The following CFDP1 variants were observed in gnomAD, a reference collection of about 807,000 sequenced individuals.
CFDP1 encodes chromatin remodeling protein CFDP1.
CFDP1 carries 31 observed loss-of-function variants against 40.1 expected under a neutral mutation model. The ratio of observed to expected loss-of-function variants is 0.77; its 90% confidence interval spans 0.58 to 1.04. CFDP1 has a LOEUF of 1.04. Among genes scored for constraint, CFDP1 ranks in the 50% least tolerant of loss-of-function variants. The probability of loss-of-function intolerance (pLI) is 0.00; values close to 1 mark genes in which losing one functional copy is unlikely to be tolerated. For missense variants in CFDP1, 423 were observed against 343.4 expected (o/e 1.23, Z -1.83); for synonymous variants, 167 against 120.0 (o/e 1.39, Z -2.56).
chr16:75,411,727 T>C, intron 4 of CFDP1, 98 bp downstream of exon 4: 3 of 1,226,748 alleles, frequency 2.4e-6, no homozygotes, highest in South Asian at 1.3e-5. Context: ...CCCAAAATAT[T>C]ATGATGGATT....
chr16:75,333,347 T>C (rs1382502944), intron 5 of CFDP1, among the ~76,000 whole-genome samples: 1 of 150,770 alleles, frequency 6.6e-6, no homozygotes, highest in African/African-American at 2.4e-5. Context: ...ATGGTCTCGA[T>C]CTCCTCACCT....
intron 6 of CFDP1, among the ~76,000 whole-genome samples, chr16:75,298,270 T>C (rs1375402422): frequency 1.3e-5 from 2 of 152,176 alleles, no homozygotes; most frequent in South Asian, 2.1e-4. Flanking sequence ...AGATAAGGGA[T>C]ATTCAACCTG....
chr16:75,345,964 G>C (rs2078560122), intron 5 of CFDP1, among the ~76,000 whole-genome samples: 1 of 152,206 alleles, frequency 6.6e-6, no homozygotes, highest in African/African-American at 2.4e-5. Context: ...TATGAGGTCT[G>C]AGGCTTCCAG....
chr16:75,425,126 G>A (rs1418711502), intron 1 of CFDP1, among the ~76,000 whole-genome samples: 9 of 151,882 alleles, frequency 5.9e-5, no homozygotes, highest in South Asian at 2.1e-4. Context: ...ATATAAGATC[G>A]TTAAATTGTC....
At chr16:75,394,658 C>CTTTTT (rs1162951313) in intron 5 of CFDP1, 6,256 of 101,690 alleles carry the variant, frequency 0.062, 721 homozygotes, top group Non-Finnish European at 0.084. Context: ...ATTTTCTTCG[C>CTTTTT]TTTTTTTTTT....
At chr16:75,318,663 C>T (rs2078342272) in intron 5 of CFDP1, among the ~76,000 whole-genome samples, 1 of 152,170 alleles carries the variant, frequency 6.6e-6, no homozygotes, top group Non-Finnish European at 1.5e-5. Flanking sequence ...CTTGGCCTCC[C>T]AAAGTGCTGG....
chr16:75,341,994 G>A (rs903682643), intron 5 of CFDP1, among the ~76,000 whole-genome samples: 1 of 152,074 alleles, frequency 6.6e-6, no homozygotes, highest in Non-Finnish European at 1.5e-5. Context: ...AAACTCCAGT[G>A]GCATTTTATT....
At chr16:75,348,574 T>C (rs868107606) in intron 5 of CFDP1, among the ~76,000 whole-genome samples, 3 of 152,294 alleles carry the variant, frequency 2.0e-5, no homozygotes, top group African/African-American at 7.2e-5. Flanking sequence ...AAGTTGTTTT[T>C]TTCTTTTTTG....
intron 5 of CFDP1, among the ~76,000 whole-genome samples, chr16:75,390,116 T>C (rs986118478): frequency 2.0e-5 from 3 of 152,208 alleles, no homozygotes; most frequent in Non-Finnish European, 4.4e-5. Flanking sequence ...CTTTACCCTG[T>C]TTATAAGGGA....
At chr16:75,380,852 C>T (rs1396089903) in intron 5 of CFDP1, among the ~76,000 whole-genome samples, 2 of 152,140 alleles carry the variant, frequency 1.3e-5, no homozygotes, top group East Asian at 3.9e-4. Context: ...ACAGATAAAA[C>T]CTCGCTAAAG....
chr16:75,374,643 C>T (rs1004337426), intron 5 of CFDP1, among the ~76,000 whole-genome samples: 5 of 151,264 alleles, frequency 3.3e-5, no homozygotes, highest in African/African-American at 1.2e-4. Context: ...ATAGTGAGAC[C>T]CCATCTCTTA....
intron 5 of CFDP1, among the ~76,000 whole-genome samples, chr16:75,363,795 G>A (rs1408806557): frequency 6.6e-6 from 1 of 152,142 alleles, no homozygotes; most frequent in Non-Finnish European, 1.5e-5. Context: ...ATTGATAGGA[G>A]TTTCCCAAAG....
At chr16:75,343,822 C>T (rs1347544639) in intron 5 of CFDP1, among the ~76,000 whole-genome samples, 1 of 152,020 alleles carries the variant, frequency 6.6e-6, no homozygotes, top group East Asian at 1.9e-4. Flanking sequence ...CCTAAGAAGG[C>T]AAAGAAAAGG....
At chr16:75,358,526 A>G (rs1055604666) in intron 5 of CFDP1, among the ~76,000 whole-genome samples, 3 of 152,144 alleles carry the variant, frequency 2.0e-5, no homozygotes, top group Non-Finnish European at 2.9e-5. Flanking sequence ...AATATTTTTT[A>G]TGAAAATGAA....
At chr16:75,411,105 C>A (rs1335184695) in intron 4 of CFDP1, among the ~76,000 whole-genome samples, 1 of 151,978 alleles carries the variant, frequency 6.6e-6, no homozygotes, top group African/African-American at 2.4e-5. Flanking sequence ...GCAATCCCAT[C>A]TACTTGGGAG....
intron 5 of CFDP1, among the ~76,000 whole-genome samples, chr16:75,382,449 C>T (rs774809934): frequency 3.3e-5 from 5 of 152,142 alleles, no homozygotes; most frequent in Non-Finnish European, 5.9e-5. Context: ...TTCTGCCTGG[C>T]TTAGGCTTGC....
At chr16:75,426,251 G>A (rs2079341722) in intron 1 of CFDP1, among the ~76,000 whole-genome samples, 1 of 151,926 alleles carries the variant, frequency 6.6e-6, no homozygotes, top group East Asian at 1.9e-4. Flanking sequence ...TCAGGAGGCT[G>A]AGGCAGGAGA....
chr16:75,402,524 A>C (rs1004834830), intron 4 of CFDP1, among the ~76,000 whole-genome samples: 1 of 152,218 alleles, frequency 6.6e-6, no homozygotes, highest in African/African-American at 2.4e-5. Context: ...AAAGCCCAAA[A>C]TTTAACATTA....
At chr16:75,413,283 G>C (rs2079177909) in intron 2 of CFDP1, among the ~76,000 whole-genome samples, 1 of 152,080 alleles carries the variant, frequency 6.6e-6, no homozygotes, top group Admixed American at 6.6e-5. Flanking sequence ...AAAATTCAAG[G>C]ACAGGCCAGG....
Sources: gnomAD v4.1 joint callset for allele counts (sites outside exome capture counted in the v4.1 genomes callset) on GRCh38, gnomAD v4.1.1 for gene constraint, MANE v1.5 for transcripts, NCBI Gene and HGNC (gene_info 2026-07-23, HGNC 2026-07-21) for gene names.